Variants in TMEM163 observed in about 807,000 individuals in gnomAD.
The protein encoded by TMEM163 is transmembrane protein 163.
TMEM163 carries 17 observed loss-of-function variants against 29.3 expected under a neutral mutation model. The observed-to-expected ratio is 0.58, with a 90% confidence interval of 0.40 to 0.87. TMEM163 has a LOEUF of 0.87. TMEM163 is among the 40% of genes least tolerant of loss of function. The pLI is 0.00. For missense variants in TMEM163, 303 were observed against 381.5 expected (o/e 0.79, Z 1.71); for synonymous variants, 157 against 160.6 (o/e 0.98, Z 0.17).
chr2:134,681,200 C>G (rs553548575), intron 2 of TMEM163, among the ~76,000 whole-genome samples: 48 of 152,316 alleles, frequency 3.2e-4, no homozygotes, highest in Admixed American at 3.1e-3. Flanking sequence ...AGCAGTGCAC[C>G]CCACTGCAAA....
intron 1 of TMEM163, among the ~76,000 whole-genome samples, chr2:134,715,317 C>T (rs1685015373): frequency 6.6e-6 from 1 of 152,154 alleles, no homozygotes; most frequent in Admixed American, 6.5e-5. Context: ...GAAACAGCAC[C>T]CCCCTGGAGG....
chr2:134,507,384 C>A (rs942216698), intron 4 of TMEM163, among the ~76,000 whole-genome samples: 2 of 151,254 alleles, frequency 1.3e-5, no homozygotes, highest in African/African-American at 2.4e-5. Flanking sequence ...AAATACCCAC[C>A]GGATCAGTGG....
intron 2 of TMEM163, among the ~76,000 whole-genome samples, chr2:134,589,375 A>G (rs999764840): frequency 6.6e-6 from 1 of 152,214 alleles, no homozygotes; most frequent in Non-Finnish European, 1.5e-5. Context: ...GGCACAAGAT[A>G]TAGGTCACAA....
chr2:134,499,079 G>C (rs1187662581), intron 5 of TMEM163, among the ~76,000 whole-genome samples: 1 of 152,172 alleles, frequency 6.6e-6, no homozygotes, highest in East Asian at 1.9e-4. Context: ...AACGGGGAGA[G>C]CAAGATACTT....
At chr2:134,532,979 G>C (rs1274609830) in intron 4 of TMEM163, among the ~76,000 whole-genome samples, 1 of 152,156 alleles carries the variant, frequency 6.6e-6, no homozygotes, top group Non-Finnish European at 1.5e-5. Context: ...TTCTCATTCA[G>C]AATATGTGTT....
rs1185200051 is a variant in TMEM163, at chr2:134,718,954, C to CCGG, written c.-22_-20dup. ...GCTCCATGGCGCGGGGCTGCGGATC[C>CCGG]CGGCGGCGGCGACGACAAGCGCGGC... On this transcript the variant is annotated 5_prime_UTR_variant, in exon 1 of 8. Coordinates refer to ENST00000281924, the MANE Select transcript of TMEM163 (RefSeq NM_030923.5). 3 of 1,029,944 alleles carry CCGG rather than the reference C, an allele frequency of 2.9e-6. No individual in the cohort carries two copies. Among genetic ancestry groups the CCGG allele is most frequent in the Non-Finnish European group, 3.5e-6 (3 of 860,922 alleles). 63.8% of individuals were successfully genotyped at this position (1,029,944 alleles called of 1,614,324 possible). A position where few individuals can be genotyped will look rare whatever the true frequency, so the allele number is the denominator to read the frequency against.
chr2:134,520,707 G>A (rs919702803), intron 4 of TMEM163, among the ~76,000 whole-genome samples: 2 of 152,126 alleles, frequency 1.3e-5, no homozygotes, highest in East Asian at 1.9e-4. Flanking sequence ...AAACTGACTT[G>A]CCCATTACTA....
chr2:134,671,392 A>T (rs1291653836), intron 2 of TMEM163, among the ~76,000 whole-genome samples: 1 of 151,918 alleles, frequency 6.6e-6, no homozygotes, highest in Non-Finnish European at 1.5e-5. Flanking sequence ...ACCATTTCAG[A>T]TCCAGCCACA....
intron 2 of TMEM163, among the ~76,000 whole-genome samples, chr2:134,682,326 C>G (rs1684264104): frequency 6.6e-6 from 1 of 152,196 alleles, no homozygotes. Flanking sequence ...GCTGCAACTT[C>G]TCTTCTTGTT....
intron 5 of TMEM163, among the ~76,000 whole-genome samples, chr2:134,498,017 A>AG (rs1218511149): frequency 6.6e-6 from 1 of 152,244 alleles, no homozygotes; most frequent in African/African-American, 2.4e-5. Flanking sequence ...GCAGAAGAGC[A>AG]GCAGCCTCCA....
chr2:134,586,694 C>A (rs1681830230), intron 2 of TMEM163, among the ~76,000 whole-genome samples: 1 of 152,202 alleles, frequency 6.6e-6, no homozygotes, highest in South Asian at 2.1e-4. Context: ...AGAATCCAGG[C>A]CTCGTCAGCC....
chr2:134,629,875 CA>C (rs1407056877), intron 2 of TMEM163, among the ~76,000 whole-genome samples: 3 of 152,198 alleles, frequency 2.0e-5, no homozygotes, highest in African/African-American at 7.2e-5. Context: ...AGTTGACGGA[CA>C]AACTGACCAG....
intron 4 of TMEM163, among the ~76,000 whole-genome samples, chr2:134,516,780 C>CATATATATATGCATATATATGCAT (rs6146922): frequency 1.4e-5 from 2 of 139,460 alleles, no homozygotes; most frequent in East Asian, 2.2e-4. Context: ...CATATCTATT[C>CATATATATATGCATATATATGCAT]ATATATATAT....
intron 4 of TMEM163, among the ~76,000 whole-genome samples, chr2:134,535,279 C>A (rs1199717989): frequency 1.3e-5 from 2 of 152,218 alleles, no homozygotes; most frequent in Non-Finnish European, 2.9e-5. Context: ...AACACACACA[C>A]ACACAGAGCA....
chr2:134,554,266 T>C (rs934263748), intron 2 of TMEM163, among the ~76,000 whole-genome samples: 2 of 151,140 alleles, frequency 1.3e-5, no homozygotes, highest in Non-Finnish European at 1.5e-5. Context: ...CTACTAAAAA[T>C]GCAAAAAGAA....
chr2:134,715,140 A>T (rs1217352774), intron 1 of TMEM163, among the ~76,000 whole-genome samples: 2 of 152,218 alleles, frequency 1.3e-5, no homozygotes, highest in Non-Finnish European at 2.9e-5. Context: ...AGGTAAAAAC[A>T]AGGTTCCTTT....
At chr2:134,570,524 A>ATATACATATACATATAC (rs1395682083) in intron 2 of TMEM163, among the ~76,000 whole-genome samples, 1 of 147,974 alleles carries the variant, frequency 6.8e-6, no homozygotes, top group African/African-American at 2.5e-5. Context: ...ATACATATAC[A>ATATACATATACATATAC]ACATAGTCAT....
At chr2:134,688,362 C>A (rs537904354) in intron 2 of TMEM163, among the ~76,000 whole-genome samples, 11 of 151,686 alleles carry the variant, frequency 7.3e-5, no homozygotes, top group African/African-American at 2.7e-4. Context: ...GAAAACAAAT[C>A]AAAATGAATG....
chr2:134,510,101 C>G (rs2106490354), intron 4 of TMEM163, among the ~76,000 whole-genome samples: 1 of 152,150 alleles, frequency 6.6e-6, no homozygotes. Context: ...GGTGCATCAC[C>G]CATGGTACAC....
Sources: gnomAD v4.1 joint callset for allele counts (sites outside exome capture counted in the v4.1 genomes callset) on GRCh38, gnomAD v4.1.1 for gene constraint, MANE v1.5 for transcripts, NCBI Gene and HGNC (gene_info 2026-07-23, HGNC 2026-07-21) for gene names.